Variants in DDX50 observed in about 807,000 individuals in gnomAD.
DDX50 encodes the protein ATP-dependent RNA helicase DDX50.
Under a neutral mutation model 94.8 loss-of-function variants are expected in DDX50, and 56 were observed. The ratio of observed to expected loss-of-function variants is 0.59; its 90% CI spans 0.48 to 0.74. DDX50 has a LOEUF of 0.74. DDX50 is among the 30% of genes least tolerant of loss of function. The pLI is 0.00. For missense variants in DDX50, 713 were observed against 881.2 expected (o/e 0.81, Z 2.42); for synonymous variants, 264 against 295.4 (o/e 0.89, Z 1.09).
chr10:68,932,386 AG>A (rs1319094596), intron 8 of DDX50, among the ~76,000 whole-genome samples: 1 of 152,036 alleles, frequency 6.6e-6, no homozygotes, highest in Non-Finnish European at 1.5e-5. Context: ...TAACCTCTCG[AG>A]TAGCTGGGAT....
chr10:68,935,425 TG>T (rs945768374), intron 10 of DDX50, among the ~76,000 whole-genome samples: 5 of 151,950 alleles, frequency 3.3e-5, no homozygotes, highest in African/African-American at 9.7e-5. Flanking sequence ...TGTTTTGTTT[TG>T]TTTTTTTTTC....
At chr10:68,946,017 A>T (rs928804137) in intron 14 of DDX50, among the ~76,000 whole-genome samples, 19 of 148,104 alleles carry the variant, frequency 1.3e-4, no homozygotes, top group Non-Finnish European at 1.9e-4. Context: ...GAATATATTT[A>T]GAATGTTAGT....
At chr10:68,907,036 C>T in intron 2 of DDX50, 29 bp downstream of exon 2, 1 of 1,559,772 alleles carries the variant, frequency 6.4e-7, no homozygotes, top group Middle Eastern at 1.7e-4. Flanking sequence ...TTGCATTTGA[C>T]ATTGTTGTTG....
chr10:68,938,829 G>T (rs995544683), intron 12 of DDX50, among the ~76,000 whole-genome samples: 9 of 152,150 alleles, frequency 5.9e-5, no homozygotes, highest in Admixed American at 5.9e-4. Flanking sequence ...GTTACATTTG[G>T]TATTATGTCT....
At chr10:68,945,842 C>T (rs1842657995) in intron 14 of DDX50, among the ~76,000 whole-genome samples, 1 of 152,146 alleles carries the variant, frequency 6.6e-6, no homozygotes, top group African/African-American at 2.4e-5. Flanking sequence ...GAAAACAACG[C>T]ACTACTTATT....
chr10:68,909,546 A>G (rs922799685), intron 2 of DDX50, among the ~76,000 whole-genome samples: 6 of 152,188 alleles, frequency 3.9e-5, no homozygotes, highest in African/African-American at 1.4e-4. Context: ...GTTAATCTTT[A>G]TAATTTTGTC....
chr10:68,919,555 A>T lies in DDX50; in HGVS notation c.1090-277A>T, dbSNP rs143603041. ...CATTTTCTGTAAGATGTTATTCGGCATTTTTTTTAAGGTTCATATTGTTCC... is the reference window on the plus strand; with the variant it reads ...CATTTTCTGTAAGATGTTATTCGGCTTTTTTTTTAAGGTTCATATTGTTCC... On this transcript the variant is annotated intron_variant, in intron 7 of 14. Transcript: ENST00000373585. Among the ~76,000 whole-genome samples the T allele has an allele frequency of 5.2e-3, 795 of 152,014 alleles. 9 individuals are homozygous for T. The highest frequency in any genetic ancestry group is 0.018 in the African/African-American group (751 of 41,456).
chr10:68,906,562 A>G (rs1841449458), intron 1 of DDX50, 149 bp from the exon 2 acceptor site: 2 of 765,534 alleles, frequency 2.6e-6, no homozygotes, highest in Non-Finnish European at 2.1e-6. Flanking sequence ...AGAGCTTGGC[A>G]TTAGTAAGCA....
chr10:68,903,818 A>T (rs912292786), intron 1 of DDX50, among the ~76,000 whole-genome samples: 2 of 150,850 alleles, frequency 1.3e-5, no homozygotes, highest in Non-Finnish European at 3.0e-5. Flanking sequence ...AACCCAAAAA[A>T]CCCAAAAATT....
rs1293411332 is a variant in DDX50, at chr10:68,946,585, T to C, written c.2169T>C (p.Asn723=). 3 of 1,614,038 alleles carry C rather than the reference T, an allele frequency of 1.9e-6. No homozygotes were observed. The highest frequency in any genetic ancestry group is 1.3e-5 in the African/African-American group (1 of 74,938). Residue 723 remains asparagine, a synonymous_variant, in exon 15 of 15, where the codon AAT becomes AAC. Transcript: ENST00000373585. ...AAGATGGTAGAAGACGAAGTGGGAATAGAAATCGATCAAGAAGTGGGGGCC... is the reference window on the plus strand; with the variant it reads ...AAGATGGTAGAAGACGAAGTGGGAACAGAAATCGATCAAGAAGTGGGGGCC... ...SRQDGRRRSG[N]RNRSRSGGHK... is the part of the protein sequence containing the mutation.
rs146651060 is a variant in DDX50, at chr10:68,941,239, C to G, written c.1890+45C>G. The G allele has an allele frequency of 2.7e-4, 429 of 1,594,974 alleles. 4 individuals are homozygous for G. The East Asian group carries it at 7.3e-3, about 27-fold the overall frequency. On this transcript the variant is annotated intron_variant, in intron 13 of 14. Coordinates refer to ENST00000373585, the MANE Select transcript of DDX50 (RefSeq NM_024045.2). ...TAAAAAGCTTTTTAATCAACTACCC[C>G]AAATGTTTACAAACACTAGCAAATT...
intron 8 of DDX50, among the ~76,000 whole-genome samples, chr10:68,929,251 C>CCCTCCCTTCCTTCCTT (rs1554836298): frequency 8.5e-6 from 1 of 118,000 alleles, no homozygotes; most frequent in East Asian, 3.1e-4. Flanking sequence ...CCAGCCTGGT[C>CCCTCCCTTCCTTCCTT]CCTTCCTTCC....
At position 68,941,117 on chromosome 10, in the gene DDX50, T is replaced by C. The variant is rs748440814; in HGVS notation, c.1813T>C (p.Trp605Arg). ...LEEIQDVSCA[W>R]KELNRKLSSN... ...GGAAATACAGGATGTCAGCTGTGCT[T>C]GGAAAGAACTTAACAGAAAGCTGAG... Residue 605 changes from tryptophan (W) to arginine (R), a missense_variant, in exon 13 of 15, where the codon TGG (tryptophan) becomes CGG (arginine). This residue lies in a region of DDX50 where 428 missense variants were observed against 602.3 expected (regional missense o/e 0.71). Transcript: ENST00000373585. The C allele has an allele frequency of 8.7e-6, 14 of 1,612,804 alleles. No individual in the cohort carries two copies. The highest frequency in any genetic ancestry group is 1.2e-5 in the Non-Finnish European group (14 of 1,179,944).
At position 68,934,903 on chromosome 10, in the gene DDX50, T is replaced by C. The variant is rs747738922; in HGVS notation, c.1506T>C (p.Tyr502=). The C allele has an allele frequency of 2.5e-6, 4 of 1,612,112 alleles. No individual in the cohort carries two copies. Among genetic ancestry groups the C allele is most frequent in the East Asian group, 4.5e-5 (2 of 44,794 alleles). Residue 502 remains tyrosine, a synonymous_variant, in exon 10 of 15, where the codon TAT becomes TAC. Coordinates refer to ENST00000373585, the MANE Select transcript of DDX50 (RefSeq NM_024045.2). The surrounding 1 kb of genome is among the most constrained non-coding windows in gnomAD (Gnocchi z 4.0). ...CAAGAGAAAGAGGTCAACTAAGATA[T>C]GTGGAACAAAAAGCAGTAAGTAGAG... ...YQPRERGQLR[Y]VEQKAGITFK...
At chr10:68,929,140 T>C (rs1842166010) in intron 8 of DDX50, among the ~76,000 whole-genome samples, 1 of 150,746 alleles carries the variant, frequency 6.6e-6, no homozygotes, top group African/African-American at 2.4e-5. Context: ...GGAGAGGGGG[T>C]TTTGCCATGT....
Position 68,913,422 on chromosome 10 carries a change from G to A in DDX50, c.789G>A (p.Leu263=). 1 of 1,613,712 alleles carries A rather than the reference G, an allele frequency of 6.2e-7. No homozygotes were observed. The highest frequency in any genetic ancestry group is 1.3e-5 in the African/African-American group (1 of 75,032). Residue 263 remains leucine (L), a synonymous_variant, in exon 6 of 15, where the codon TTG becomes TTA. Coordinates refer to ENST00000373585, the MANE Select transcript of DDX50 (RefSeq NM_024045.2). ...ATATTCGAAATGGTATTGACATCTT[G>A]GTTGGAACACCTGGTCGTATCAAAG... ...INHIRNGIDI[L]VGTPGRIKDH...
chr10:68,905,185 G>A (rs533341446), intron 1 of DDX50, among the ~76,000 whole-genome samples: 2 of 152,284 alleles, frequency 1.3e-5, no homozygotes, highest in East Asian at 3.9e-4. Context: ...CCAGAGTGCT[G>A]GGATTATAGG....
chr10:68,942,840 C>A (rs994849053), intron 13 of DDX50, among the ~76,000 whole-genome samples: 1 of 151,954 alleles, frequency 6.6e-6, no homozygotes, highest in Admixed American at 6.6e-5. Flanking sequence ...TGGTCTTGAT[C>A]GAATTCCTGG....
chr10:68,912,232 G>C (rs79511991), intron 4 of DDX50, among the ~76,000 whole-genome samples: 1 of 151,732 alleles, frequency 6.6e-6, no homozygotes. Context: ...TTTTTTTAAA[G>C]ACAGGGTCTC....
Sources: allele counts gnomAD v4.1 joint callset (sites outside exome capture counted in the v4.1 genomes callset), GRCh38; gene constraint gnomAD v4.1.1; regional missense constraint gnomAD v4.1.1; non-coding constraint Gnocchi (gnomAD v3.1); transcripts MANE v1.5; gene names NCBI Gene and HGNC (gene_info 2026-07-23, HGNC 2026-07-21).